The following SCHIP1 variants were observed in gnomAD, a reference collection of about 807,000 sequenced individuals.
The protein encoded by SCHIP1 is schwannomin interacting protein 1, also known as schwannomin-interacting protein 1.
SCHIP1 carries 8 observed loss-of-function variants against 29.7 expected under a neutral mutation model. The observed-to-expected ratio is 0.27, with a 90% CI of 0.16 to 0.49. The LOEUF is 0.49. Ranked by LOEUF, SCHIP1 falls within the 20% of genes least tolerant of loss-of-function variation. SCHIP1 has a pLI of 0.99. For missense variants in SCHIP1, 193 were observed against 294.6 expected (o/e 0.66, Z 2.52); for synonymous variants, 76 against 94.9 (o/e 0.80, Z 1.16).
chr3:159,878,375 G>A (rs550568231), intron 2 of SCHIP1, among the ~76,000 whole-genome samples: 46 of 152,184 alleles, frequency 3.0e-4, no homozygotes, highest in Non-Finnish European at 4.4e-4. Context: ...CAAGCTACTC[G>A]GGAGGCTGAG....
chr3:159,559,270 A>G, the SCHIP1 span, among the ~76,000 whole-genome samples: 4,226 of 152,240 alleles, frequency 0.028, 149 homozygotes, highest in East Asian at 0.17. Flanking sequence ...CTTAGCTCAA[A>G]TTTCTTTCCC....
chr3:159,462,850 C>T, the SCHIP1 span, among the ~76,000 whole-genome samples: 4 of 152,024 alleles, frequency 2.6e-5, no homozygotes, highest in Admixed American at 6.6e-5. Flanking sequence ...GACATTTGCA[C>T]AAGAATGAAA....
the SCHIP1 span, among the ~76,000 whole-genome samples, chr3:159,583,579 A>G: frequency 1.3e-5 from 2 of 152,206 alleles, no homozygotes; most frequent in Non-Finnish European, 2.9e-5. Context: ...AACCCAGAGC[A>G]TAAGAAAACA....
At chr3:159,661,190 G>A in the SCHIP1 span, among the ~76,000 whole-genome samples, 1 of 152,142 alleles carries the variant, frequency 6.6e-6, no homozygotes, top group Non-Finnish European at 1.5e-5. Flanking sequence ...CAGACTTTTA[G>A]GAGTCAGAAA....
chr3:159,787,449 C>T, the SCHIP1 span, among the ~76,000 whole-genome samples: 1 of 152,182 alleles, frequency 6.6e-6, no homozygotes, highest in African/African-American at 2.4e-5. Context: ...GGGCCCTGCC[C>T]CAGAGGCTGC....
the SCHIP1 span, among the ~76,000 whole-genome samples, chr3:159,755,031 C>A: frequency 6.6e-6 from 1 of 152,138 alleles, no homozygotes; most frequent in Admixed American, 6.5e-5. Flanking sequence ...GTCAGGAGAT[C>A]GAGACCATCC....
the SCHIP1 span, among the ~76,000 whole-genome samples, chr3:159,486,893 G>A: frequency 6.6e-6 from 1 of 152,330 alleles, no homozygotes; most frequent in Non-Finnish European, 1.5e-5. Flanking sequence ...CTGCAAGGGA[G>A]TCTGAAATAA....
the SCHIP1 span, among the ~76,000 whole-genome samples, chr3:159,540,331 TTTAG>T: frequency 2.1e-3 from 322 of 152,238 alleles, no homozygotes; most frequent in Middle Eastern, 0.01. Flanking sequence ...GGAAGGGCTA[TTTAG>T]TGCACTTCTC....
the SCHIP1 span, among the ~76,000 whole-genome samples, chr3:159,781,742 C>T: frequency 6.6e-6 from 1 of 152,000 alleles, no homozygotes; most frequent in Non-Finnish European, 1.5e-5. Flanking sequence ...TGGGTGCATC[C>T]CAGGAGGGTG....
the SCHIP1 span, among the ~76,000 whole-genome samples, chr3:159,468,132 A>G: frequency 6.6e-6 from 1 of 152,262 alleles, no homozygotes; most frequent in Non-Finnish European, 1.5e-5. Flanking sequence ...CAGATTTATC[A>G]TAGTAGGCTG....
At chr3:159,884,349 C>CTGTGTG (rs10661642) in intron 2 of SCHIP1, among the ~76,000 whole-genome samples, 13,951 of 140,504 alleles carry the variant, frequency 0.099, 623 homozygotes, top group Middle Eastern at 0.16. Context: ...GTGTCTGTGT[C>CTGTGTG]TGTGTGTGTG....
the SCHIP1 span, among the ~76,000 whole-genome samples, chr3:159,440,987 A>G: frequency 6.6e-6 from 1 of 152,178 alleles, no homozygotes; most frequent in African/African-American, 2.4e-5. Flanking sequence ...GAAAGTTGTT[A>G]TCTTTGTATA....
At chr3:159,601,277 G>A in the SCHIP1 span, among the ~76,000 whole-genome samples, 5 of 152,116 alleles carry the variant, frequency 3.3e-5, no homozygotes, top group Non-Finnish European at 5.9e-5. Flanking sequence ...GTATGGGCTG[G>A]TATTGACAGT....
chr3:159,715,379 C>T, the SCHIP1 span, among the ~76,000 whole-genome samples: 1 of 152,172 alleles, frequency 6.6e-6, no homozygotes, highest in Non-Finnish European at 1.5e-5. Flanking sequence ...AGCAACAGAA[C>T]AAAGCTGGAC....
chr3:159,433,882 C>A, the SCHIP1 span, among the ~76,000 whole-genome samples: 1 of 152,146 alleles, frequency 6.6e-6, no homozygotes, highest in Non-Finnish European at 1.5e-5. Context: ...GAACTGAGCA[C>A]TAAGACTGAT....
chr3:159,593,316 C>T, the SCHIP1 span, among the ~76,000 whole-genome samples: 1 of 152,082 alleles, frequency 6.6e-6, no homozygotes, highest in African/African-American at 2.4e-5. Context: ...AGAGAAGCAC[C>T]CCTCCTGAAC....
chr3:159,875,870 A>C (rs1715750014), intron 2 of SCHIP1, among the ~76,000 whole-genome samples: 1 of 152,120 alleles, frequency 6.6e-6, no homozygotes, highest in African/African-American at 2.4e-5. Context: ...AGATGGGAGG[A>C]TCCCTTGAGC....
chr3:159,340,388 T>C, the SCHIP1 span, among the ~76,000 whole-genome samples: 1 of 152,074 alleles, frequency 6.6e-6, no homozygotes, highest in Non-Finnish European at 1.5e-5. Context: ...ATTCAATTTA[T>C]ATTGTTTCAA....
At chr3:159,314,806 T>C in the SCHIP1 span, among the ~76,000 whole-genome samples, 1 of 152,220 alleles carries the variant, frequency 6.6e-6, no homozygotes, top group Non-Finnish European at 1.5e-5. Context: ...GTTTTGGTAT[T>C]TCAATTACTT....
Sources: allele counts gnomAD v4.1 joint callset (sites outside exome capture counted in the v4.1 genomes callset), GRCh38; gene constraint gnomAD v4.1.1; transcripts MANE v1.5; gene names NCBI Gene and HGNC (gene_info 2026-07-23, HGNC 2026-07-21).